The following TMEM25 variants were observed in gnomAD, a reference collection of about 807,000 sequenced individuals.
TMEM25 encodes the protein 0610039J01Rik.
TMEM25 carries 36 observed loss-of-function variants against 37.0 expected under a neutral mutation model. The ratio of observed to expected loss-of-function variants is 0.97; its 90% CI spans 0.75 to 1.28. The LOEUF (loss-of-function observed/expected upper bound fraction) is 1.28. Ranked by LOEUF, TMEM25 falls within the 50% of genes most tolerant of loss-of-function variation. The probability of loss-of-function intolerance (pLI) is 0.00; values close to 1 mark genes in which losing one functional copy is unlikely to be tolerated. For missense variants in TMEM25, 444 were observed against 477.9 expected, an observed-to-expected ratio of 0.93 and a Z score of 0.66; for synonymous variants, 197 against 203.7, an observed-to-expected ratio of 0.97 and a Z score of 0.28.
At chr11:118,538,889 CAA>C (rs781943725), downstream of TMEM25, among the ~76,000 whole-genome samples, 19 of 86,650 alleles carry the variant, frequency 2.2e-4, no homozygotes, top group Admixed American at 2.6e-4. Flanking sequence ...AAGGCCGTCT[CAA>C]AAAAAAAAAA....
At chr11:118,536,174 A>G (rs977471879), downstream of TMEM25, among the ~76,000 whole-genome samples, 10 of 144,286 alleles carry the variant, frequency 6.9e-5, no homozygotes, top group Non-Finnish European at 1.1e-4. Flanking sequence ...CACCACACCC[A>G]GCCTTCTAAT....
intron 2 of TMEM25, 139 bp from the exon 3 acceptor site, chr11:118,532,011 C>G: frequency 1.5e-6 from 2 of 1,360,276 alleles, no homozygotes; most frequent in Non-Finnish European, 2.0e-6. Flanking sequence ...TACCCTAGGT[C>G]CAACCAGCCA....
intron 5 of TMEM25, 58 bp downstream of exon 5, chr11:118,533,609 C>G (rs781848114): frequency 6.2e-7 from 1 of 1,610,678 alleles, no homozygotes; most frequent in Admixed American, 1.7e-5. Flanking sequence ...GCAGCCAAGA[C>G]AGCAAGTGCA....
At chr11:118,540,564 A>G (rs1951565560), downstream of TMEM25, among the ~76,000 whole-genome samples, 1 of 152,326 alleles carries the variant, frequency 6.6e-6, no homozygotes, top group East Asian at 1.9e-4. Context: ...CCAAGGTCTT[A>G]ATTATCAGAA....
rs1555067087 is a variant in TMEM25, at chr11:118,546,143, CA to C, written c.1053del (p.Ter352AsnfsTer40). 1 of 718,306 alleles carries C rather than the reference CA, an allele frequency of 1.4e-6. No homozygotes were observed. Among genetic ancestry groups the C allele is most frequent in the African/African-American group, 1.7e-5 (1 of 57,186 alleles). The allele number at this position is 718,306 out of a possible 1,614,324, so 44.5% of individuals were successfully genotyped here. The stretch of plus-strand genomic sequence containing the variant: ...GGAAGAAGAAATCAGGACAAAGACG[CA>C]TAACAGAGGGAAGACCATGGGAAGA... On this transcript the variant is annotated frameshift_variant, in exon 9 of 9. Transcript: ENST00000354284. LOFTEE classifies it high-confidence loss of function.
At chr11:118,541,663 G>C (rs536422241) in intron 8 of TMEM25, among the ~76,000 whole-genome samples, 1 of 152,202 alleles carries the variant, frequency 6.6e-6, no homozygotes, top group East Asian at 1.9e-4. Context: ...AGTGAGCATA[G>C]TATCCAATAG....
intron 5 of TMEM25, 106 bp from the exon 6 acceptor site, chr11:118,533,751 G>A: frequency 1.3e-6 from 2 of 1,592,728 alleles, no homozygotes; most frequent in Non-Finnish European, 1.7e-6. Flanking sequence ...GCCAGGCCTG[G>A]GCATTTGAGA....
At chr11:118,541,141 T>C (rs139026782) in intron 8 of TMEM25, among the ~76,000 whole-genome samples, 64 of 152,234 alleles carry the variant, frequency 4.2e-4, no homozygotes, top group African/African-American at 1.4e-3. Context: ...AAATGTTAAT[T>C]TGATTTGTAC....
intron 4 of TMEM25, 65 bp from the exon 5 acceptor site, chr11:118,533,355 T>C (rs893810922): frequency 6.2e-7 from 1 of 1,606,630 alleles, no homozygotes; most frequent in Non-Finnish European, 8.5e-7. Context: ...GGCAGAGTAG[T>C]ACCTATGGCA....
intron 8 of TMEM25, chr11:118,544,894 A>T: frequency 1.9e-6 from 3 of 1,574,084 alleles, no homozygotes; most frequent in Non-Finnish European, 2.6e-6. Flanking sequence ...CTCAGCCTTG[A>T]AACAGCAGCT....
exon 9 of TMEM25, chr11:118,546,254 G>A: frequency 1.4e-6 from 1 of 693,986 alleles, no homozygotes; most frequent in South Asian, 1.6e-5. Context: ...TACCAGCACT[G>A]TGGGAGGTTG....
chr11:118,531,207 C>A lies in TMEM25; in HGVS notation c.-55C>A, dbSNP rs781916259. On this transcript the variant is annotated 5_prime_UTR_variant, in exon 1 of 9. Transcript: ENST00000313236. ...GGTGCTCATCAGACCTGAGCAGTTG[C>A]TCCGGCGGCGCTCGGGGAGGGAGCC... is the stretch of plus-strand genomic sequence containing the variant. 1 of 483,230 alleles carries A rather than the reference C, an allele frequency of 2.1e-6. No individual in the cohort carries two copies. The allele number at this position is 483,230 out of a possible 1,614,324, so 29.9% of individuals were successfully genotyped here.
intron 8 of TMEM25, chr11:118,544,544 T>A (rs1951629891): frequency 9.6e-6 from 2 of 208,802 alleles, no homozygotes; most frequent in Non-Finnish European, 1.9e-5. Context: ...AATAGAGCAT[T>A]TGATTTATAA....
chr11:118,536,988 C>A (rs1445980836), downstream of TMEM25, among the ~76,000 whole-genome samples: 1 of 152,152 alleles, frequency 6.6e-6, no homozygotes, highest in Non-Finnish European at 1.5e-5. Context: ...GATCCTCCCA[C>A]CTCAGCCTCA....
At chr11:118,539,867 A>T (rs576038126), downstream of TMEM25, among the ~76,000 whole-genome samples, 3 of 151,774 alleles carry the variant, frequency 2.0e-5, no homozygotes, top group East Asian at 4.0e-4. Context: ...CTAAAAATAC[A>T]AAAATTAGCC....
Position 118,532,286 on chromosome 11 carries a change from A to C in TMEM25, c.207A>C (p.Gly69=). ...GTPRLAWYLD[G]QLQEASTSRL... ...CCAGATTGGCCTGGTATCTGGATGG[A>C]CAGCTGCAGGAGGCCAGCACCTCAA... Residue 69 remains glycine (G), a synonymous_variant, in exon 3 of 9, where the codon GGA becomes GGC. Coordinates refer to ENST00000313236, the MANE Select transcript of TMEM25 (RefSeq NM_032780.4). 1 of 1,614,170 alleles carries C rather than the reference A, an allele frequency of 6.2e-7. No homozygotes were observed. The highest frequency in any genetic ancestry group is 8.5e-7 in the Non-Finnish European group (1 of 1,180,022).
At chr11:118,544,940 G>A in intron 8 of TMEM25, 1 of 1,613,418 alleles carries the variant, frequency 6.2e-7, no homozygotes, top group Non-Finnish European at 8.5e-7. Flanking sequence ...ATGTCTCCAT[G>A]TCTCCAGCTT....
At chr11:118,541,273 C>T (rs868980195) in intron 8 of TMEM25, among the ~76,000 whole-genome samples, 6 of 151,740 alleles carry the variant, frequency 4.0e-5, no homozygotes, top group Non-Finnish European at 7.4e-5. Flanking sequence ...CCATCCTGGC[C>T]AACACAGTGA....
At chr11:118,540,020 C>CAAA (rs200560621), downstream of TMEM25, among the ~76,000 whole-genome samples, 5 of 80,380 alleles carry the variant, frequency 6.2e-5, no homozygotes, top group African/African-American at 1.3e-4. Flanking sequence ...GACTCCGTCT[C>CAAA]AAAAAAAAAA....
Sources: gnomAD v4.1 joint callset for allele counts (sites outside exome capture counted in the v4.1 genomes callset) on GRCh38, gnomAD v4.1.1 for gene constraint, MANE v1.5 for transcripts, NCBI Gene and HGNC (gene_info 2026-07-23, HGNC 2026-07-21) for gene names.